Variants in GPM6A observed in about 807,000 individuals in gnomAD.
The protein encoded by GPM6A is glycoprotein M6A.
A neutral mutation model predicts 32.1 loss-of-function variants in GPM6A; 7 were observed. The observed-to-expected ratio is 0.22, with a 90% CI of 0.12 to 0.41. GPM6A has a LOEUF of 0.41. GPM6A is among the 10% of genes least tolerant of loss of function. The pLI, the probability that GPM6A is intolerant of heterozygous loss-of-function variation, is 1.00. For missense variants in GPM6A, 235 were observed against 347.2 expected (o/e 0.68, Z 2.57); for synonymous variants, 130 against 123.4 (o/e 1.05, Z -0.35).
At chr4:175,867,194 G>C (rs28486032) in intron 1 of GPM6A, among the ~76,000 whole-genome samples, 60,934 of 151,954 alleles carry the variant, frequency 0.4, 13,066 homozygotes, top group African/African-American at 0.57. Flanking sequence ...TTCTCTCAAT[G>C]TGTGGCTTGT....
At chr4:175,768,797 A>G (rs761579815) in intron 1 of GPM6A, among the ~76,000 whole-genome samples, 15 of 152,134 alleles carry the variant, frequency 9.9e-5, no homozygotes, top group Non-Finnish European at 2.1e-4. Flanking sequence ...CAAGATTAGA[A>G]AATAAGGTAC....
At chr4:175,675,006 GGATA>G (rs1056680777) in intron 2 of GPM6A, among the ~76,000 whole-genome samples, 1 of 151,472 alleles carries the variant, frequency 6.6e-6, no homozygotes, top group Non-Finnish European at 1.5e-5. Flanking sequence ...ATGGATATAT[GGATA>G]GATAGATAGA....
chr4:175,908,302 C>T (rs983037777), intron 1 of GPM6A, among the ~76,000 whole-genome samples: 2 of 152,054 alleles, frequency 1.3e-5, no homozygotes, highest in Non-Finnish European at 2.9e-5. Context: ...TGATGTCATG[C>T]CTATGAATGG....
At chr4:175,867,905 T>C (rs1368432269) in intron 1 of GPM6A, among the ~76,000 whole-genome samples, 1 of 152,158 alleles carries the variant, frequency 6.6e-6, no homozygotes, top group Non-Finnish European at 1.5e-5. Flanking sequence ...TTAGGAAATA[T>C]CTTGTTAAGA....
chr4:175,998,007 T>C (rs1244072278), intron 1 of GPM6A, among the ~76,000 whole-genome samples: 1 of 152,192 alleles, frequency 6.6e-6, no homozygotes, highest in African/African-American at 2.4e-5. Context: ...AAATAGATAA[T>C]TCATTTCATG....
At chr4:175,795,989 T>C (rs1734212686) in intron 1 of GPM6A, 1 of 152,262 alleles carries the variant, frequency 6.6e-6, no homozygotes, top group African/African-American at 2.4e-5. Context: ...AGACTGCAGC[T>C]GTAACTAACA....
intron 1 of GPM6A, among the ~76,000 whole-genome samples, chr4:175,992,776 C>T (rs1217268022): frequency 6.6e-6 from 1 of 151,966 alleles, no homozygotes; most frequent in Non-Finnish European, 1.5e-5. Context: ...GAAAAATGAA[C>T]ACAATACAGT....
chr4:175,664,254 G>A (rs13112502), intron 3 of GPM6A, among the ~76,000 whole-genome samples: 32,913 of 151,992 alleles, frequency 0.22, 3,863 homozygotes, highest in Non-Finnish European at 0.26. Context: ...GTGTGATACT[G>A]TAATGGTTGA....
chr4:175,634,030 C>T lies in GPM6A; in HGVS notation c.*875G>A, dbSNP rs939619020. On this transcript the variant is annotated 3_prime_UTR_variant, in exon 7 of 7. Coordinates refer to ENST00000393658, the MANE Select transcript of GPM6A (RefSeq NM_201591.3). The stretch of plus-strand genomic sequence containing the variant: ...CACCTTCATAAAGGTAATTAATTTT[C>T]CACATTAGCATATTAAAAGTTCCAA... 1.3e-5 allele frequency: 2 copies of T among 152,504 alleles called. No homozygotes were observed. Among genetic ancestry groups the T allele is most frequent in the Non-Finnish European group, 2.9e-5 (2 of 67,954 alleles). 9.4% of individuals were successfully genotyped at this position (152,504 alleles called of 1,614,324 possible). A position where few individuals can be genotyped will look rare whatever the true frequency, so the allele number is the denominator to read the frequency against.
chr4:175,781,521 T>C (rs1733615673), intron 1 of GPM6A, among the ~76,000 whole-genome samples: 1 of 152,194 alleles, frequency 6.6e-6, no homozygotes, highest in Admixed American at 6.5e-5. Flanking sequence ...TGATCTTCCA[T>C]ACAGTTCTCT....
In GPM6A at chr4:175,912,041, T is replaced by C. The variant is rs1738337463; in HGVS notation, c.-23+90268A>G. Among the ~76,000 whole-genome samples, 5 of 152,070 alleles carry C rather than the reference T, an allele frequency of 3.3e-5. No homozygotes were observed. The South Asian group carries it at 1.0e-3, about 32-fold the overall frequency. ...AAAGCTAAACAAGTAGATGATACCA[T>C]GCAGAAACAGGGAAGTTCACACAGC... On this transcript the variant is annotated intron_variant, in intron 1 of 7. Transcript: ENST00000280187.
chr4:175,826,832 A>G (rs1735454559), intron 1 of GPM6A, among the ~76,000 whole-genome samples: 2 of 152,178 alleles, frequency 1.3e-5, no homozygotes, highest in South Asian at 4.1e-4. Flanking sequence ...GAAAAAAAAA[A>G]GAGTCCTAAT....
intron 1 of GPM6A, among the ~76,000 whole-genome samples, chr4:175,804,286 C>A (rs7675587): frequency 3.3e-5 from 5 of 152,174 alleles, no homozygotes; most frequent in Admixed American, 3.3e-4. Context: ...AATTTAAATG[C>A]CCTTATTGTG....
At chr4:175,930,950 G>T (rs1349664865) in intron 1 of GPM6A, among the ~76,000 whole-genome samples, 1 of 151,944 alleles carries the variant, frequency 6.6e-6, no homozygotes, top group Non-Finnish European at 1.5e-5. Flanking sequence ...TCCATTATTA[G>T]GATTTGCTAA....
chr4:175,746,878 A>G (rs1164560451), intron 1 of GPM6A, among the ~76,000 whole-genome samples: 1 of 152,176 alleles, frequency 6.6e-6, no homozygotes, highest in East Asian at 1.9e-4. Context: ...GCTTTGTGTG[A>G]TGATTAGCAA....
At chr4:175,904,682 C>T (rs781699400) in intron 1 of GPM6A, among the ~76,000 whole-genome samples, 1 of 152,046 alleles carries the variant, frequency 6.6e-6, no homozygotes, top group Admixed American at 6.6e-5. Context: ...ATAATGGCCT[C>T]TCCTGACCAC....
At chr4:175,755,040 T>C (rs1005725520) in intron 1 of GPM6A, among the ~76,000 whole-genome samples, 1 of 150,088 alleles carries the variant, frequency 6.7e-6, no homozygotes, top group African/African-American at 2.5e-5. Context: ...AAGAAAAAAA[T>C]CTTCAAAAAA....
rs200616395 is a variant in GPM6A at position 175,635,000 on chromosome 4, T to C, written c.742A>G (p.Met248Val). 132 of 1,613,614 alleles carry C rather than the reference T, an allele frequency of 8.2e-5. No individual in the cohort carries two copies. The highest frequency in any genetic ancestry group is 1.1e-4 in the Non-Finnish European group (125 of 1,179,684). The change falls in exon 7 of 7, where the codon ATG (methionine) becomes GTG (valine). Residue 248 changes from methionine (M) to valine (V), a missense_variant. Coordinates refer to ENST00000393658, the MANE Select transcript of GPM6A (RefSeq NM_201591.3). ...GACTTGATGTCTTCATACTTCTGCA[T>C]CCGGCAGGCGTCTTTCACATAGGCC... The part of the protein sequence containing the change: ...NWAYVKDACR[M>V]QKYEDIKSKE...
chr4:175,939,269 G>T (rs146716261), intron 1 of GPM6A, among the ~76,000 whole-genome samples: 1 of 152,262 alleles, frequency 6.6e-6, no homozygotes, highest in South Asian at 2.1e-4. Flanking sequence ...GAGCCCTGAG[G>T]GGGTAAAACA....
Sources: allele counts gnomAD v4.1 joint callset (sites outside exome capture counted in the v4.1 genomes callset), GRCh38; gene constraint gnomAD v4.1.1; transcripts MANE v1.5; gene names NCBI Gene and HGNC (gene_info 2026-07-23, HGNC 2026-07-21).